SNX29: variants seen among roughly 807,000 people sequenced by gnomAD.
SNX29 encodes sorting nexin-29.
SNX29 carries 78 observed loss-of-function variants against 102.1 expected under a neutral mutation model. The ratio of observed to expected loss-of-function variants is 0.76; its 90% confidence interval spans 0.64 to 0.92. The LOEUF is 0.92. Among genes scored for constraint, SNX29 ranks in the 40% least tolerant of loss-of-function variants. SNX29 has a pLI of 0.00. For missense variants in SNX29, 1,280 were observed against 1,061.7 expected, an observed-to-expected ratio of 1.21 and a Z score of -2.86; for synonymous variants, 580 against 414.5, an observed-to-expected ratio of 1.40 and a Z score of -4.85.
chr16:12,301,796 G>A (rs548122644), intron 15 of SNX29, among the ~76,000 whole-genome samples: 25 of 152,140 alleles, frequency 1.6e-4, no homozygotes, highest in Non-Finnish European at 2.8e-4. Context: ...GACTCTAGTC[G>A]CGGTTTGCCT....
At chr16:12,541,193 G>C (rs921163603) in intron 20 of SNX29, among the ~76,000 whole-genome samples, 1 of 152,122 alleles carries the variant, frequency 6.6e-6, no homozygotes, top group African/African-American at 2.4e-5. Context: ...TGTCTATCCT[G>C]AAGTATTATG....
At chr16:12,466,542 C>T (rs2087060440) in intron 18 of SNX29, among the ~76,000 whole-genome samples, 1 of 152,216 alleles carries the variant, frequency 6.6e-6, no homozygotes, top group Non-Finnish European at 1.5e-5. Context: ...CCCCCCCTTC[C>T]AGAGTCGCGG....
At chr16:12,564,191 C>A (rs191812718) in intron 20 of SNX29, among the ~76,000 whole-genome samples, 8 of 150,632 alleles carry the variant, frequency 5.3e-5, no homozygotes, top group African/African-American at 2.0e-4. Flanking sequence ...AGTTTGAGAC[C>A]GTCCTGGGCA....
chr16:11,997,177 C>CT (rs924292272), intron 1 of SNX29, among the ~76,000 whole-genome samples: 4 of 152,102 alleles, frequency 2.6e-5, no homozygotes, highest in African/African-American at 9.7e-5. Flanking sequence ...CACTTTTTTG[C>CT]TTTTTGCTCA....
At chr16:12,366,358 A>G (rs917237231) in intron 16 of SNX29, among the ~76,000 whole-genome samples, 3 of 152,202 alleles carry the variant, frequency 2.0e-5, no homozygotes, top group African/African-American at 7.2e-5. Context: ...CTCTAAGAAG[A>G]TGGTCATGGA....
chr16:12,571,687 T>G lies in SNX29; in HGVS notation c.*3058T>G. ...AGGGCTGGGCAGAGGTGTCTCTCCT[T>G]GAGAGACAACAAAAGCTTCTAAGGG... On this transcript the variant is annotated 3_prime_UTR_variant, in exon 21 of 21. Transcript: ENST00000566228. 3.8e-6 allele frequency: 4 copies of G among 1,058,886 alleles called. No individual in the cohort carries two copies. The highest frequency in any genetic ancestry group is 4.6e-6 in the Non-Finnish European group (4 of 875,078). 65.6% of individuals were successfully genotyped at this position (1,058,886 alleles called of 1,614,324 possible).
chr16:12,056,431 G>A (rs1274585306), intron 8 of SNX29, among the ~76,000 whole-genome samples: 3 of 152,224 alleles, frequency 2.0e-5, no homozygotes, highest in Non-Finnish European at 4.4e-5. Context: ...AGAGCAGCCT[G>A]GGGAAGACAC....
chr16:12,139,685 T>C (rs1265707572), intron 13 of SNX29, among the ~76,000 whole-genome samples: 1 of 152,080 alleles, frequency 6.6e-6, no homozygotes, highest in East Asian at 1.9e-4. Flanking sequence ...CAGCCATTCA[T>C]TGAAATCTTA....
At chr16:12,123,757 C>T (rs898529008) in intron 11 of SNX29, among the ~76,000 whole-genome samples, 7 of 152,080 alleles carry the variant, frequency 4.6e-5, no homozygotes, top group Non-Finnish European at 7.4e-5. Flanking sequence ...GAAGAACTTG[C>T]GATGTTCTCC....
At chr16:12,068,325 A>T (rs926267864) in intron 9 of SNX29, among the ~76,000 whole-genome samples, 1 of 151,974 alleles carries the variant, frequency 6.6e-6, no homozygotes, top group Non-Finnish European at 1.5e-5. Context: ...AAAAAAAAAT[A>T]AAAAATAAAT....
intron 18 of SNX29, among the ~76,000 whole-genome samples, chr16:12,422,973 G>A (rs1002716525): frequency 6.6e-6 from 1 of 152,140 alleles, no homozygotes; most frequent in African/African-American, 2.4e-5. Context: ...TAAAGGAACA[G>A]CCCCACCCTG....
intron 20 of SNX29, among the ~76,000 whole-genome samples, chr16:12,539,381 G>A (rs559447983): frequency 2.1e-4 from 32 of 152,118 alleles, no homozygotes; most frequent in South Asian, 4.2e-4. Flanking sequence ...TGAGGCTGGC[G>A]TCTTTCAGCA....
chr16:12,167,794 T>C (rs1489047517), intron 13 of SNX29, among the ~76,000 whole-genome samples: 2 of 151,924 alleles, frequency 1.3e-5, no homozygotes, highest in African/African-American at 2.4e-5. Flanking sequence ...ACATCAGGGG[T>C]TGGCAAACTG....
At chr16:12,209,623 A>T (rs964215211) in intron 14 of SNX29, among the ~76,000 whole-genome samples, 2 of 151,904 alleles carry the variant, frequency 1.3e-5, no homozygotes, top group East Asian at 3.9e-4. Flanking sequence ...GGCTGAAGGG[A>T]TGCTCCTGGG....
intron 14 of SNX29, among the ~76,000 whole-genome samples, chr16:12,207,600 G>A (rs529353027): frequency 1.2e-4 from 19 of 152,118 alleles, no homozygotes; most frequent in African/African-American, 4.3e-4. Context: ...TGTCTCATGT[G>A]CCCCCATCAC....
At chr16:12,308,769 C>G (rs1461165178) in intron 15 of SNX29, among the ~76,000 whole-genome samples, 2 of 152,054 alleles carry the variant, frequency 1.3e-5, no homozygotes, top group Non-Finnish European at 2.9e-5. Context: ...GCTGGAGAGT[C>G]TTGACAACAT....
At chr16:12,496,417 G>A (rs989798740) in intron 19 of SNX29, among the ~76,000 whole-genome samples, 4 of 151,772 alleles carry the variant, frequency 2.6e-5, no homozygotes, top group African/African-American at 9.7e-5. Flanking sequence ...ACCATTGTGA[G>A]GCACTCAATG....
intron 14 of SNX29, among the ~76,000 whole-genome samples, chr16:12,233,334 C>A (rs192229902): frequency 6.6e-6 from 1 of 152,048 alleles, no homozygotes; most frequent in Admixed American, 6.6e-5. Context: ...AATTAGTGCC[C>A]CAACAGAAAA....
At chr16:12,550,068 C>A (rs926905644) in intron 20 of SNX29, among the ~76,000 whole-genome samples, 2 of 152,166 alleles carry the variant, frequency 1.3e-5, no homozygotes, top group Non-Finnish European at 2.9e-5. Context: ...TTAGTCTCAC[C>A]CTTTATAGGA....
Sources: gnomAD v4.1 joint callset for allele counts (sites outside exome capture counted in the v4.1 genomes callset) on GRCh38, gnomAD v4.1.1 for gene constraint, MANE v1.5 for transcripts, NCBI Gene and HGNC (gene_info 2026-07-23, HGNC 2026-07-21) for gene names.